Variants in PRR16 observed in about 807,000 individuals in gnomAD.
The protein encoded by PRR16 is proline rich 16, also known as protein Largen.
Under a neutral mutation model 18.2 loss-of-function variants are expected in PRR16, and 6 were observed. The ratio of observed to expected loss-of-function variants is 0.33; its 90% CI spans 0.18 to 0.65. The LOEUF (loss-of-function observed/expected upper bound fraction) is 0.65. PRR16 is among the 30% of genes least tolerant of loss of function. The pLI is 0.74. For synonymous variants in PRR16, 151 were observed against 147.8 expected (o/e 1.02, Z -0.16); for missense variants, 412 against 376.6 (o/e 1.09, Z -0.78).
chr5:120,581,620 AT>A (rs1753275620), intron 1 of PRR16, among the ~76,000 whole-genome samples: 1 of 151,844 alleles, frequency 6.6e-6, no homozygotes, highest in African/African-American at 2.4e-5. Context: ...TAGTATGTCG[AT>A]TTGAGATCTT....
intron 1 of PRR16, among the ~76,000 whole-genome samples, chr5:120,671,787 C>A (rs1756614773): frequency 1.3e-5 from 2 of 151,858 alleles, no homozygotes; most frequent in African/African-American, 4.8e-5. Flanking sequence ...TATGAAAGTG[C>A]CATACTTTTT....
At chr5:120,712,926 A>C in the PRR16 span, among the ~76,000 whole-genome samples, 1 of 152,202 alleles carries the variant, frequency 6.6e-6, no homozygotes, top group Non-Finnish European at 1.5e-5. Context: ...GTTTCTAAAA[A>C]AGTTAAAAAT....
chr5:120,782,996 G>C, the PRR16 span, among the ~76,000 whole-genome samples: 12 of 152,218 alleles, frequency 7.9e-5, no homozygotes, highest in South Asian at 2.5e-3. Flanking sequence ...AATATAAGAA[G>C]AACTTACTCA....
At chr5:120,512,555 G>T (rs1394626180) in intron 1 of PRR16, among the ~76,000 whole-genome samples, 1 of 152,088 alleles carries the variant, frequency 6.6e-6, no homozygotes, top group Non-Finnish European at 1.5e-5. Flanking sequence ...TCTGAGACTA[G>T]AATCATATGT....
At chr5:120,736,095 C>T in the PRR16 span, among the ~76,000 whole-genome samples, 1 of 152,138 alleles carries the variant, frequency 6.6e-6, no homozygotes, top group African/African-American at 2.4e-5. Context: ...ATTGAATAGG[C>T]TTGACACCCT....
intron 1 of PRR16, among the ~76,000 whole-genome samples, chr5:120,500,246 A>G (rs1248657710): frequency 1.3e-5 from 2 of 152,134 alleles, no homozygotes; most frequent in East Asian, 1.9e-4. Flanking sequence ...CCAGGTTACT[A>G]GTTTCTTCAG....
chr5:120,738,330 A>G, the PRR16 span, among the ~76,000 whole-genome samples: 1 of 152,040 alleles, frequency 6.6e-6, no homozygotes, highest in Non-Finnish European at 1.5e-5. Context: ...TGGGTATACA[A>G]ATGAAAATAA....
chr5:120,508,817 C>G (rs1202223212), intron 1 of PRR16, among the ~76,000 whole-genome samples: 1 of 152,064 alleles, frequency 6.6e-6, no homozygotes, highest in African/African-American at 2.4e-5. Flanking sequence ...ACTTTATCAA[C>G]CACTGAATAT....
chr5:120,620,324 A>G (rs1000606394), intron 1 of PRR16, among the ~76,000 whole-genome samples: 1 of 152,306 alleles, frequency 6.6e-6, no homozygotes, highest in South Asian at 2.1e-4. Flanking sequence ...TGAAACAGGC[A>G]GACGAGCTTC....
intron 1 of PRR16, among the ~76,000 whole-genome samples, chr5:120,682,520 G>A (rs1040794073): frequency 2.0e-5 from 3 of 152,074 alleles, no homozygotes; most frequent in African/African-American, 7.2e-5. Flanking sequence ...AACTGAGGTG[G>A]CATTTATTCA....
At chr5:120,750,308 A>G in the PRR16 span, among the ~76,000 whole-genome samples, 1 of 152,126 alleles carries the variant, frequency 6.6e-6, no homozygotes, top group Admixed American at 6.6e-5. Flanking sequence ...CATAAGATTC[A>G]AGTCAACCAA....
intron 1 of PRR16, among the ~76,000 whole-genome samples, chr5:120,484,060 A>G (rs899991984): frequency 6.6e-6 from 1 of 151,976 alleles, no homozygotes; most frequent in African/African-American, 2.4e-5. Flanking sequence ...GAAACAGCAT[A>G]TAGCTCAACA....
At chr5:120,776,156 A>G in the PRR16 span, among the ~76,000 whole-genome samples, 2 of 151,988 alleles carry the variant, frequency 1.3e-5, no homozygotes, top group South Asian at 2.1e-4. Context: ...TCATCATTGG[A>G]TATGTATGTT....
At chr5:120,551,113 A>G (rs1752241153) in intron 1 of PRR16, among the ~76,000 whole-genome samples, 1 of 151,988 alleles carries the variant, frequency 6.6e-6, no homozygotes, top group Admixed American at 6.6e-5. Flanking sequence ...ATCTGTAACT[A>G]TAGTTACTGT....
intron 1 of PRR16, among the ~76,000 whole-genome samples, chr5:120,504,593 G>A (rs867894942): frequency 6.4e-4 from 98 of 152,124 alleles, no homozygotes; most frequent in African/African-American, 2.2e-3. Flanking sequence ...GTTGACATGG[G>A]CGGTGATCAT....
At chr5:120,736,414 A>C in the PRR16 span, among the ~76,000 whole-genome samples, 1 of 151,922 alleles carries the variant, frequency 6.6e-6, no homozygotes, top group Non-Finnish European at 1.5e-5. Flanking sequence ...ACAGGCATGC[A>C]GCACCATGCC....
rs184792318 is a variant in PRR16 at position 120,674,002 on chromosome 5, A to G, written c.160-11952A>G. ...AAACATGTGCATTCATCTACAGTCT[A>G]TGTACAAATACTTCCTACATTTTTT... On this transcript the variant is annotated intron_variant, in intron 1 of 1. Transcript: ENST00000407149. Among the ~76,000 whole-genome samples the G allele has an allele frequency of 1.2e-4, 18 of 151,694 alleles. 1 individual carries two copies. In the East Asian group the frequency reaches 3.1e-3, roughly 26 times the overall value.
the PRR16 span, among the ~76,000 whole-genome samples, chr5:120,786,124 C>T: frequency 3.3e-5 from 5 of 149,852 alleles, no homozygotes; most frequent in African/African-American, 1.2e-4. Context: ...AAATGCATAC[C>T]TGTTATGTTG....
the PRR16 span, among the ~76,000 whole-genome samples, chr5:120,794,296 T>C: frequency 6.6e-6 from 1 of 152,148 alleles, no homozygotes; most frequent in Non-Finnish European, 1.5e-5. Context: ...TTGTTGTGCT[T>C]CAGACAGATG....
Sources: gnomAD v4.1 joint callset for allele counts (sites outside exome capture counted in the v4.1 genomes callset) on GRCh38, gnomAD v4.1.1 for gene constraint, MANE v1.5 for transcripts, NCBI Gene and HGNC (gene_info 2026-07-23, HGNC 2026-07-21) for gene names.